The following OLFML1 variants were observed in gnomAD, a reference collection of about 807,000 sequenced individuals.
The protein encoded by OLFML1 is olfactomedin like 1, also known as olfactomedin-like protein 1.
OLFML1 carries 33 observed loss-of-function variants against 37.3 expected under a neutral mutation model. That is an observed-to-expected ratio of 0.88 (90% CI 0.67 to 1.18). The LOEUF (loss-of-function observed/expected upper bound fraction) is 1.18. Among genes scored for constraint, OLFML1 ranks in the 50% most tolerant of loss-of-function variants. The pLI, the probability that OLFML1 is intolerant of heterozygous loss-of-function variation, is 0.00. For synonymous variants in OLFML1, 186 were observed against 181.3 expected, an observed-to-expected ratio of 1.03 and a Z score of -0.21; for missense variants, 545 against 483.7, an observed-to-expected ratio of 1.13 and a Z score of -1.19.
Position 7,509,777 on chromosome 11 carries a change from C to T in OLFML1, c.798C>T (p.Pro266=), listed in dbSNP as rs752386294. The T allele has an allele frequency of 3.1e-6, 5 of 1,614,250 alleles. No homozygotes were observed. The South Asian group carries it at 3.3e-5, about 11-fold the overall frequency. The change falls in exon 3 of 3, where the codon CCC becomes CCT. Residue 266 remains proline (P), a synonymous_variant. Transcript: ENST00000329293. The part of the protein sequence containing the change: ...VGRALVYQHS[P]STYIDLAVDE... ...GAGCATTGGTTTACCAGCACTCCCC[C>T]TCAACTTACATTGACCTGGCTGTGG...
At position 7,485,741 on chromosome 11, in the gene OLFML1, C is replaced by A; in HGVS notation, c.-135C>A. ...GGTGGAATAACAAGCGGACTTTGCT[C>A]TCTGCTGTGCAAAACGCTGTTTTTA... is the stretch of plus-strand genomic sequence containing the variant. On this transcript the variant is annotated 5_prime_UTR_variant, in exon 1 of 3. Coordinates refer to ENST00000329293, the MANE Select transcript of OLFML1 (RefSeq NM_198474.4). The A allele has an allele frequency of 1.1e-6, 1 of 881,228 alleles. No homozygotes were observed. The highest frequency in any genetic ancestry group is 1.8e-6 in the Non-Finnish European group (1 of 562,166). 54.6% of individuals were successfully genotyped at this position (881,228 alleles called of 1,614,324 possible).
chr11:7,509,654 AT>A lies in OLFML1; in HGVS notation c.681del (p.His228IlefsTer9), dbSNP rs749559488. 1 of 1,614,188 alleles carries A rather than the reference AT, an allele frequency of 6.2e-7. No individual in the cohort carries two copies. The highest frequency in any genetic ancestry group is 8.5e-7 in the Non-Finnish European group (1 of 1,180,030). On this transcript the variant is annotated frameshift_variant, in exon 3 of 3. Transcript: ENST00000329293. LOFTEE classifies it high-confidence loss of function. ...GCCAAGTGATCTACAAAGGTTTTCT[AT>A]TTTTTCATAACCAAGCAACTTCTAA... ...TGQVIYKGFL[F>X]FHNQATSNEI... is the part of the protein sequence containing the mutation.
intron 2 of OLFML1, among the ~76,000 whole-genome samples, chr11:7,506,671 T>C (rs942616122): frequency 3.3e-5 from 5 of 152,162 alleles, no homozygotes; most frequent in Non-Finnish European, 7.4e-5. Flanking sequence ...CCATCAACAC[T>C]CAACTCCGGG....
chr11:7,493,810 CTTAT>C (rs764154384), intron 2 of OLFML1, among the ~76,000 whole-genome samples: 14 of 152,226 alleles, frequency 9.2e-5, no homozygotes, highest in Middle Eastern at 3.2e-3. Context: ...CTTGCTATAA[CTTAT>C]TTATTTATTC....
At chr11:7,496,630 T>C (rs771642241) in intron 2 of OLFML1, among the ~76,000 whole-genome samples, 2 of 152,020 alleles carry the variant, frequency 1.3e-5, no homozygotes, top group South Asian at 2.1e-4. Flanking sequence ...TTTCTAACTA[T>C]ACACAGGCAA....
At chr11:7,489,408 C>T (rs748970772) in intron 2 of OLFML1, among the ~76,000 whole-genome samples, 3 of 151,828 alleles carry the variant, frequency 2.0e-5, no homozygotes, top group African/African-American at 2.4e-5. Flanking sequence ...CATGTAGACC[C>T]GCAAATATGG....
intron 2 of OLFML1, among the ~76,000 whole-genome samples, chr11:7,489,810 G>C (rs1257031778): frequency 6.6e-6 from 1 of 152,078 alleles, no homozygotes; most frequent in Non-Finnish European, 1.5e-5. Flanking sequence ...GTCATCGAAT[G>C]GTTGGTATGA....
chr11:7,510,430 T>A lies in OLFML1; in HGVS notation c.*242T>A. On this transcript the variant is annotated 3_prime_UTR_variant, in exon 3 of 3. Coordinates refer to ENST00000329293, the MANE Select transcript of OLFML1 (RefSeq NM_198474.4). ...CCATTACTCCCCCAAACCTCCTGGCTCTCAAGGATGACCACATTCTGATAC... is the reference window on the plus strand; with the variant it reads ...CCATTACTCCCCCAAACCTCCTGGCACTCAAGGATGACCACATTCTGATAC... The A allele has an allele frequency of 2.2e-6, 1 of 456,518 alleles. No individual in the cohort carries two copies. Among genetic ancestry groups the A allele is most frequent in the Non-Finnish European group, 3.9e-6 (1 of 255,688 alleles). 28.3% of individuals were successfully genotyped at this position (456,518 alleles called of 1,614,324 possible). A position where few individuals can be genotyped will look rare whatever the true frequency, so the allele number is the denominator to read the frequency against.
At chr11:7,499,416 G>A (rs1327853879) in intron 2 of OLFML1, among the ~76,000 whole-genome samples, 1 of 152,162 alleles carries the variant, frequency 6.6e-6, no homozygotes, top group African/African-American at 2.4e-5. Context: ...AGCACAGCAG[G>A]GAGTTTTAAC....
intron 2 of OLFML1, among the ~76,000 whole-genome samples, chr11:7,489,185 T>A (rs1218434569): frequency 6.6e-6 from 1 of 152,210 alleles, no homozygotes; most frequent in Non-Finnish European, 1.5e-5. Context: ...AAATGACATA[T>A]AAGCTGAGTG....
At position 7,509,484 on chromosome 11, in the gene OLFML1, G is replaced by C; in HGVS notation, c.505G>C (p.Val169Leu). The change falls in exon 3 of 3, where the codon GTC becomes CTC. Residue 169 changes from valine to leucine, a missense_variant. By Grantham distance (32) the Val-to-Leu change is conservative. Transcript: ENST00000329293. ...ACATGGCTCTTGGATGAAAGATGCT[G>C]TCTATAACTCTCCAAAGGTGTACTT... ...DTHGSWMKDA[V>L]YNSPKVYLLI... 2 of 1,614,030 alleles carry C rather than the reference G, an allele frequency of 1.2e-6. No individual in the cohort carries two copies. The highest frequency in any genetic ancestry group is 2.7e-5 in the African/African-American group (2 of 75,024).
chr11:7,507,419 A>G (rs1448688049), intron 2 of OLFML1, among the ~76,000 whole-genome samples: 1 of 152,188 alleles, frequency 6.6e-6, no homozygotes, highest in East Asian at 1.9e-4. Context: ...CTCTCTGTGG[A>G]ATAAAATCCA....
intron 1 of OLFML1, among the ~76,000 whole-genome samples, chr11:7,487,377 C>T (rs1848536346): frequency 6.6e-6 from 1 of 152,204 alleles, no homozygotes; most frequent in South Asian, 2.1e-4. Context: ...TTCTGTCTTT[C>T]TCCCTTCAAA....
At chr11:7,492,483 G>A (rs1284979582) in intron 2 of OLFML1, among the ~76,000 whole-genome samples, 1 of 152,144 alleles carries the variant, frequency 6.6e-6, no homozygotes, top group African/African-American at 2.4e-5. Context: ...AGACTTCCAG[G>A]AAATTCTAGT....
At chr11:7,495,516 A>C (rs1305563214) in intron 2 of OLFML1, among the ~76,000 whole-genome samples, 1 of 152,092 alleles carries the variant, frequency 6.6e-6, no homozygotes, top group Non-Finnish European at 1.5e-5. Flanking sequence ...ACAATTGAAC[A>C]CAGCAACTTT....
intron 1 of OLFML1, among the ~76,000 whole-genome samples, 154 bp from the exon 2 acceptor site, chr11:7,487,973 T>C (rs1296850541): frequency 6.6e-6 from 1 of 151,902 alleles, no homozygotes; most frequent in African/African-American, 2.4e-5. Flanking sequence ...GTATCAATAC[T>C]ACCTTTGAAT....
Position 7,491,601 on chromosome 11 carries a change from TA to T in OLFML1, c.418+3187del, listed in dbSNP as rs530331571. Among the ~76,000 whole-genome samples, 512 of 152,288 alleles carry T rather than the reference TA, an allele frequency of 3.4e-3. 4 individuals carry two copies. Among genetic ancestry groups the T allele is most frequent in the African/African-American group, 0.011 (462 of 41,512 alleles). ...TTTATTCCCGTTAGGCACTGTTTTG[TA>T]TTGTATATATTATGCACACTCCTGC... On this transcript the variant is annotated intron_variant, in intron 2 of 2. Transcript: ENST00000329293.
chr11:7,492,284 T>C (rs1009677413), intron 2 of OLFML1, among the ~76,000 whole-genome samples: 2 of 152,180 alleles, frequency 1.3e-5, no homozygotes. Flanking sequence ...AGACCTTCCA[T>C]TAAAATCCTG....
chr11:7,509,287 A>AGTATTT (rs1333759305), intron 2 of OLFML1, 111 bp from the exon 3 acceptor site: 8 of 759,266 alleles, frequency 1.1e-5, no homozygotes, highest in Non-Finnish European at 1.5e-5. Flanking sequence ...AATATTCCCC[A>AGTATTT]TCAGTATTAG....
Sources: gnomAD v4.1 joint callset for allele counts (sites outside exome capture counted in the v4.1 genomes callset) on GRCh38, gnomAD v4.1.1 for gene constraint, MANE v1.5 for transcripts, NCBI Gene and HGNC (gene_info 2026-07-23, HGNC 2026-07-21) for gene names.